WDR59: variants seen among roughly 807,000 people sequenced by gnomAD.
WDR59 encodes WD repeat domain 59.
WDR59 carries 100 observed loss-of-function variants against 131.2 expected under a neutral mutation model. The ratio of observed to expected loss-of-function variants is 0.76; its 90% CI spans 0.65 to 0.90. The LOEUF (loss-of-function observed/expected upper bound fraction) is 0.90, where lower values mean the gene tolerates loss of function less well. WDR59 is among the 40% of genes least tolerant of loss of function. The probability of loss-of-function intolerance (pLI) is 0.00; values close to 1 mark genes in which losing one functional copy is unlikely to be tolerated. For synonymous variants in WDR59, 601 were observed against 466.2 expected, an observed-to-expected ratio of 1.29 and a Z score of -3.72; for missense variants, 1,203 against 1,262.2, an observed-to-expected ratio of 0.95 and a Z score of 0.71.
In WDR59 at chr16:74,879,437, G is replaced by T. The variant is rs768192490; in HGVS notation, c.2690-4993C>A. 3.5e-4 allele frequency among the ~76,000 whole-genome samples: 53 copies of T among 152,190 alleles called. 1 individual carries two copies. The highest frequency in any genetic ancestry group is 1.5e-4 in the Non-Finnish European group (10 of 68,042). On this transcript the variant is annotated intron_variant, in intron 25 of 25. Transcript: ENST00000262144. ...ACTTGTCAGACTGTGGAATGGATCA[G>T]GATTTCTAGGACTTTTTGGTTCAGA... is the stretch of plus-strand genomic sequence containing the variant.
At chr16:74,923,650 G>A (rs971275720) in intron 9 of WDR59, among the ~76,000 whole-genome samples, 1 of 151,912 alleles carries the variant, frequency 6.6e-6, no homozygotes, top group Non-Finnish European at 1.5e-5. Context: ...GCTAATTTTT[G>A]TATTTTTAGT....
chr16:74,921,772 G>T (rs2030255038), intron 10 of WDR59, among the ~76,000 whole-genome samples, 175 bp downstream of exon 10: 1 of 107,964 alleles, frequency 9.3e-6, no homozygotes, highest in Admixed American at 1.0e-4. Context: ...AGTAACAGCA[G>T]CCTTATATAG....
At chr16:74,976,433 T>C (rs527418977) in intron 1 of WDR59, among the ~76,000 whole-genome samples, 65 of 151,840 alleles carry the variant, frequency 4.3e-4, no homozygotes, top group African/African-American at 1.4e-3. Context: ...GTTTTTCTTT[T>C]TCTTTTCTTT....
At chr16:74,880,773 C>A (rs747467803) in intron 25 of WDR59, among the ~76,000 whole-genome samples, 1 of 152,200 alleles carries the variant, frequency 6.6e-6, no homozygotes, top group Non-Finnish European at 1.5e-5. Context: ...GCACATAGAA[C>A]AATCAAAGTA....
intron 20 of WDR59, among the ~76,000 whole-genome samples, chr16:74,891,741 G>A (rs892370829): frequency 6.6e-6 from 1 of 152,198 alleles, no homozygotes; most frequent in Non-Finnish European, 1.5e-5. Flanking sequence ...TGGCCAACAT[G>A]GTGAAACCCC....
chr16:74,888,117 C>CAA (rs35324656), intron 22 of WDR59, 52 bp downstream of exon 22: 760 of 1,233,218 alleles, frequency 6.2e-4, no homozygotes, highest in South Asian at 1.5e-3. Context: ...AACTCCGTCT[C>CAA]AAAAAAAAAA....
chr16:74,886,028 A>G (rs1964738952), intron 24 of WDR59: 3 of 663,272 alleles, frequency 4.5e-6, no homozygotes, highest in South Asian at 4.1e-5. Context: ...AATACAAAAA[A>G]TTAGCCAGTC....
At chr16:74,903,089 C>A (rs1446948844) in intron 18 of WDR59, among the ~76,000 whole-genome samples, 1 of 152,176 alleles carries the variant, frequency 6.6e-6, no homozygotes, top group Middle Eastern at 3.2e-3. Flanking sequence ...CTACTGCAAT[C>A]GAACTGAAGG....
chr16:74,947,137 C>T (rs1191553730), intron 6 of WDR59, among the ~76,000 whole-genome samples: 1 of 152,172 alleles, frequency 6.6e-6, no homozygotes, highest in African/African-American at 2.4e-5. Flanking sequence ...ACTACAAAGA[C>T]TTGGTTCATC....
intron 23 of WDR59, among the ~76,000 whole-genome samples, chr16:74,887,090 G>C (rs908197172): frequency 6.6e-6 from 1 of 152,192 alleles, no homozygotes; most frequent in African/African-American, 2.4e-5. Context: ...TGCACACAAA[G>C]AATGGATGCA....
chr16:74,879,132 C>T lies in WDR59; in HGVS notation c.2690-4688G>A, dbSNP rs953624097. Among the ~76,000 whole-genome samples, 5 of 152,106 alleles carry T rather than the reference C, an allele frequency of 3.3e-5. No homozygotes were observed. The East Asian group carries it at 7.7e-4, about 23-fold the overall frequency. On this transcript the variant is annotated intron_variant, in intron 25 of 25. Transcript: ENST00000262144. The stretch of plus-strand genomic sequence containing the variant: ...CTTTGTGAGGCCGAGGTGGGGGTAT[C>T]GCTTGAGCCCAGGAGTTGGAGACCA...
chr16:74,935,534 G>C (rs1344246378), intron 8 of WDR59, among the ~76,000 whole-genome samples: 1 of 151,460 alleles, frequency 6.6e-6, no homozygotes, highest in East Asian at 1.9e-4. Context: ...TGACCCCTTA[G>C]AATTTAGAAA....
Position 74,923,991 on chromosome 16 carries a change from G to C in WDR59, c.664C>G (p.Arg222Gly). The C allele has an allele frequency of 6.2e-7, 1 of 1,613,416 alleles. No homozygotes were observed. Among genetic ancestry groups the C allele is most frequent in the Non-Finnish European group, 8.5e-7 (1 of 1,179,896 alleles). Reference protein sequence around the residue: ...QDNSVKFWDYRQPRKYLNILP... With the variant: ...QDNSVKFWDYGQPRKYLNILP... ...ATATTGAGGTATTTCCGAGGCTGGCGGTAATCCCAGAACTAGAAGAGAGCA... is the reference window on the plus strand; with the variant it reads ...ATATTGAGGTATTTCCGAGGCTGGCCGTAATCCCAGAACTAGAAGAGAGCA... The change falls in exon 9 of 26, where the codon CGC becomes GGC. Residue 222 changes from arginine (R) to glycine (G), a missense_variant. Arg to Gly is a moderately radical substitution (Grantham distance 125, BLOSUM62 -2). Coordinates refer to ENST00000262144, the MANE Select transcript of WDR59 (RefSeq NM_030581.4).
intron 9 of WDR59, among the ~76,000 whole-genome samples, chr16:74,922,567 C>G (rs2030348917): frequency 6.6e-6 from 1 of 151,920 alleles, no homozygotes; most frequent in African/African-American, 2.4e-5. Flanking sequence ...CACCTTCCCG[C>G]CCCCCCGGCA....
chr16:74,935,272 G>A (rs114460933), intron 8 of WDR59, among the ~76,000 whole-genome samples: 1,626 of 151,964 alleles, frequency 0.011, 23 homozygotes, highest in African/African-American at 0.037. Flanking sequence ...TGGATTTCCA[G>A]GACTCTCTTT....
chr16:74,910,819 C>A (rs1966047573), intron 14 of WDR59, among the ~76,000 whole-genome samples: 1 of 152,132 alleles, frequency 6.6e-6, no homozygotes, highest in Non-Finnish European at 1.5e-5. Flanking sequence ...ACTGCCCAGG[C>A]TGGAGTGCAA....
At chr16:74,945,434 G>A (rs1461429117) in intron 6 of WDR59, among the ~76,000 whole-genome samples, 1 of 151,836 alleles carries the variant, frequency 6.6e-6, no homozygotes, top group Non-Finnish European at 1.5e-5. Flanking sequence ...CTGAGATCAT[G>A]CCACTGCACT....
At chr16:74,923,553 C>T (rs1197769863) in intron 9 of WDR59, among the ~76,000 whole-genome samples, 1 of 152,118 alleles carries the variant, frequency 6.6e-6, no homozygotes, top group Non-Finnish European at 1.5e-5. Context: ...TCTCAGCTTA[C>T]TGCAAGCTCT....
rs1212623859 is a variant in WDR59, at chr16:74,885,678, A to G, written c.2664T>C (p.Cys888=). Residue 888 remains cysteine (C), a synonymous_variant, in exon 25 of 26, where the codon TGT becomes TGC. Transcript: ENST00000262144. Reference sequence around the variant, plus strand: ...CGATCCCTTTGTGAGGGTCAGGAGGACAGGAGACAAACTTCAACACTTCAG... The same window carrying G: ...CGATCCCTTTGTGAGGGTCAGGAGGGCAGGAGACAAACTTCAACACTTCAG... ...KRAEVLKFVS[C]PPDPHKGIEF... 1.2e-6 allele frequency: 2 copies of G among 1,614,080 alleles called. No homozygotes were observed. Among genetic ancestry groups the G allele is most frequent in the Middle Eastern group, 1.6e-4 (1 of 6,062 alleles).
Sources: allele counts gnomAD v4.1 joint callset (sites outside exome capture counted in the v4.1 genomes callset), GRCh38; gene constraint gnomAD v4.1.1; transcripts MANE v1.5; gene names NCBI Gene and HGNC (gene_info 2026-07-23, HGNC 2026-07-21).